The following GRIA1 variants were observed in gnomAD, a reference collection of about 807,000 sequenced individuals.
GRIA1 encodes the protein glutamate receptor 1.
GRIA1 carries 31 observed loss-of-function variants against 99.2 expected under a neutral mutation model. The observed-to-expected ratio is 0.31, with a 90% confidence interval of 0.23 to 0.42. The LOEUF is 0.42. Ranked by LOEUF, GRIA1 falls within the 10% of genes least tolerant of loss-of-function variation. The pLI, the probability that GRIA1 is intolerant of heterozygous loss-of-function variation, is 1.00. For synonymous variants in GRIA1, 438 were observed against 432.4 expected, an observed-to-expected ratio of 1.01 and a Z score of -0.16; for missense variants, 782 against 1,157.5, an observed-to-expected ratio of 0.68 and a Z score of 4.71.
chr5:153,727,186 A>AC (rs1170979644), intron 11 of GRIA1, among the ~76,000 whole-genome samples: 3 of 152,048 alleles, frequency 2.0e-5, no homozygotes, highest in Admixed American at 6.6e-5. Context: ...AAATTCAACA[A>AC]CCTTCATGCT....
intron 2 of GRIA1, among the ~76,000 whole-genome samples, chr5:153,572,339 T>G (rs1477679482): frequency 1.3e-5 from 2 of 152,068 alleles, no homozygotes; most frequent in African/African-American, 2.4e-5. Flanking sequence ...CCGCAAAGAG[T>G]ACACCATCAA....
intron 13 of GRIA1, among the ~76,000 whole-genome samples, chr5:153,791,303 A>C (rs1765290585): frequency 6.6e-6 from 1 of 151,826 alleles, no homozygotes; most frequent in Non-Finnish European, 1.5e-5. Flanking sequence ...AGAAAAGAAA[A>C]GAAAAAACCT....
intron 5 of GRIA1, among the ~76,000 whole-genome samples, chr5:153,663,051 T>C (rs1755486720): frequency 6.6e-6 from 1 of 152,042 alleles, no homozygotes; most frequent in African/African-American, 2.4e-5. Flanking sequence ...GGAGAGTGGG[T>C]GGATAGAAAG....
At chr5:153,585,297 CTCTTTT>C (rs1763376161) in intron 2 of GRIA1, among the ~76,000 whole-genome samples, 1 of 128,908 alleles carries the variant, frequency 7.8e-6, no homozygotes, top group Non-Finnish European at 1.6e-5. Flanking sequence ...CTTTCTCTCT[CTCTTTT>C]TTTTTTTTTT....
intron 11 of GRIA1, among the ~76,000 whole-genome samples, chr5:153,710,152 T>C (rs1013572146): frequency 2.0e-5 from 3 of 152,144 alleles, no homozygotes; most frequent in African/African-American, 4.8e-5. Flanking sequence ...AGATTACAAT[T>C]TATTTTTTTA....
At chr5:153,719,873 A>C (rs986914640) in intron 11 of GRIA1, among the ~76,000 whole-genome samples, 1 of 152,320 alleles carries the variant, frequency 6.6e-6, no homozygotes. Flanking sequence ...GAATGGAATA[A>C]GGTATTTAAA....
intron 2 of GRIA1, among the ~76,000 whole-genome samples, chr5:153,495,558 A>C (rs1259347784): frequency 6.6e-6 from 1 of 152,216 alleles, no homozygotes; most frequent in African/African-American, 2.4e-5. Context: ...GGTCTAATAA[A>C]GTACCTAAGG....
chr5:153,510,776 T>A (rs922135216), intron 2 of GRIA1, among the ~76,000 whole-genome samples: 2 of 152,166 alleles, frequency 1.3e-5, no homozygotes, highest in Non-Finnish European at 2.9e-5. Context: ...TCAGCAAACA[T>A]AAAGTTACCT....
intron 15 of GRIA1, among the ~76,000 whole-genome samples, chr5:153,808,990 C>T (rs1355114616): frequency 6.6e-6 from 1 of 152,098 alleles, no homozygotes; most frequent in Non-Finnish European, 1.5e-5. Flanking sequence ...CAGGAAGTAC[C>T]AACAACTTCA....
chr5:153,620,160 A>G (rs981400752), intron 2 of GRIA1, among the ~76,000 whole-genome samples: 6 of 152,256 alleles, frequency 3.9e-5, no homozygotes, highest in Admixed American at 2.6e-4. Flanking sequence ...TCTGTAGGTC[A>G]GGAAGTATAA....
chr5:153,628,485 A>C (rs1346570812), intron 2 of GRIA1, among the ~76,000 whole-genome samples: 1 of 152,220 alleles, frequency 6.6e-6, no homozygotes, highest in Non-Finnish European at 1.5e-5. Flanking sequence ...CAACATGTTT[A>C]GTAATGCAAG....
chr5:153,674,607 G>A lies in GRIA1; in HGVS notation c.807G>A (p.Gln269=), dbSNP rs750996068. ...TDTIPAKIMQ[Q]WKNSDARDHT... is the part of the protein sequence containing the mutation. Reference sequence around the variant, plus strand: ...CTATTCCGGCCAAGATCATGCAGCAGTGGAAGAATAGTGATGCTCGAGACC... The same window carrying A: ...CTATTCCGGCCAAGATCATGCAGCAATGGAAGAATAGTGATGCTCGAGACC... Residue 269 remains glutamine (Q), a synonymous_variant, in exon 6 of 16, where the codon CAG becomes CAA. Coordinates refer to ENST00000285900, the MANE Select transcript of GRIA1 (RefSeq NM_000827.4). The A allele has an allele frequency of 1.9e-6, 3 of 1,614,142 alleles. No homozygotes were observed. The highest frequency in any genetic ancestry group is 1.7e-4 in the Middle Eastern group (1 of 6,060).
At chr5:153,521,997 C>A (rs1039993539) in intron 2 of GRIA1, among the ~76,000 whole-genome samples, 22 of 152,098 alleles carry the variant, frequency 1.4e-4, no homozygotes, top group Admixed American at 1.4e-3. Flanking sequence ...TTAGGCCCAC[C>A]CTTCAAAAGA....
chr5:153,583,144 A>G (rs1437444417), intron 2 of GRIA1, among the ~76,000 whole-genome samples: 1 of 150,008 alleles, frequency 6.7e-6, no homozygotes, highest in African/African-American at 2.4e-5. Flanking sequence ...TGTTGCCCAG[A>G]CTCATTTTGA....
intron 2 of GRIA1, among the ~76,000 whole-genome samples, chr5:153,521,336 CAG>C (rs1340863187): frequency 6.6e-6 from 1 of 152,252 alleles, no homozygotes; most frequent in Non-Finnish European, 1.5e-5. Context: ...ACCAGAGAAA[CAG>C]AGTAAGAGGC....
At chr5:153,736,996 C>G (rs1761423451) in intron 11 of GRIA1, among the ~76,000 whole-genome samples, 2 of 152,148 alleles carry the variant, frequency 1.3e-5, no homozygotes, top group East Asian at 3.8e-4. Flanking sequence ...GAATGGTGCT[C>G]TCTTTGGCCT....
At chr5:153,524,101 G>A (rs954065347) in intron 2 of GRIA1, among the ~76,000 whole-genome samples, 3 of 152,186 alleles carry the variant, frequency 2.0e-5, no homozygotes, top group African/African-American at 7.2e-5. Context: ...GCTGAGGCAG[G>A]CAGATCACAA....
At chr5:153,516,997 C>A (rs932344315) in intron 2 of GRIA1, among the ~76,000 whole-genome samples, 3 of 152,088 alleles carry the variant, frequency 2.0e-5, no homozygotes, top group African/African-American at 4.8e-5. Flanking sequence ...AGATGAGTGA[C>A]AAATGACGAA....
In GRIA1 at chr5:153,794,676, T is replaced by C. The variant is rs1300887780; in HGVS notation, c.2326T>C (p.Leu776=). ...KLNEQGLLDK[L]KNKWWYDKGE... is the part of the protein sequence containing the mutation. ...GAACGAGCAGGGGCTTTTGGACAAA[T>C]TGAAAAACAAATGGTGGTACGACAA... is the stretch of plus-strand genomic sequence containing the variant. Residue 776 remains leucine (L), a synonymous_variant, in exon 14 of 16, where the codon TTG becomes CTG. Coordinates refer to ENST00000285900, the MANE Select transcript of GRIA1 (RefSeq NM_000827.4). The C allele has an allele frequency of 9.3e-6, 15 of 1,613,500 alleles. No individual in the cohort carries two copies. The highest frequency in any genetic ancestry group is 1.3e-5 in the Non-Finnish European group (15 of 1,179,856).
Sources: allele counts gnomAD v4.1 joint callset (sites outside exome capture counted in the v4.1 genomes callset), GRCh38; gene constraint gnomAD v4.1.1; transcripts MANE v1.5; gene names NCBI Gene and HGNC (gene_info 2026-07-23, HGNC 2026-07-21).